GALNTL6: variants seen among roughly 807,000 people sequenced by gnomAD.
GALNTL6 encodes the protein polypeptide N-acetylgalactosaminyltransferase-like 6.
A neutral mutation model predicts 73.7 loss-of-function variants in GALNTL6; 46 were observed. The observed-to-expected ratio is 0.62, with a 90% confidence interval of 0.49 to 0.80. The LOEUF is 0.80. GALNTL6 is among the 30% of genes least tolerant of loss of function. The pLI is 0.00. For synonymous variants in GALNTL6, 259 were observed against 263.7 expected (o/e 0.98, Z 0.17); for missense variants, 604 against 755.0 (o/e 0.80, Z 2.34).
intron 4 of GALNTL6, among the ~76,000 whole-genome samples, chr4:172,338,733 C>T (rs575419373): frequency 6.6e-6 from 1 of 152,154 alleles, no homozygotes; most frequent in Non-Finnish European, 1.5e-5. Context: ...GCTCCTTGCT[C>T]AGCTGTAGGG....
chr4:172,757,487 C>T (rs1480451613), intron 5 of GALNTL6, among the ~76,000 whole-genome samples: 1 of 152,110 alleles, frequency 6.6e-6, no homozygotes, highest in Non-Finnish European at 1.5e-5. Flanking sequence ...GAAACTGAGG[C>T]TTAGAGGGAT....
intron 2 of GALNTL6, among the ~76,000 whole-genome samples, chr4:171,937,922 G>A (rs1332715992): frequency 6.6e-6 from 1 of 152,100 alleles, no homozygotes; most frequent in East Asian, 1.9e-4. Flanking sequence ...CCGTGAATCT[G>A]TAAATTAGAT....
intron 5 of GALNTL6, among the ~76,000 whole-genome samples, chr4:172,738,801 G>C (rs1386844925): frequency 6.6e-6 from 1 of 152,144 alleles, no homozygotes; most frequent in Non-Finnish European, 1.5e-5. Flanking sequence ...ATATACTTTG[G>C]TTTGGTCCAG....
intron 5 of GALNTL6, among the ~76,000 whole-genome samples, chr4:172,413,598 G>C (rs1280698811): frequency 6.6e-6 from 1 of 150,920 alleles, no homozygotes; most frequent in Non-Finnish European, 1.5e-5. Flanking sequence ...GACCAAAATT[G>C]TATGTGCTAG....
intron 3 of GALNTL6, among the ~76,000 whole-genome samples, chr4:172,288,362 A>AT (rs1349246895): frequency 6.6e-6 from 1 of 152,172 alleles, no homozygotes; most frequent in Non-Finnish European, 1.5e-5. Context: ...AAGTGCTGGG[A>AT]TTACAGGCAT....
At chr4:172,160,147 TGTGTGTATAAATATAAGTGTGTGTGC>T (rs2110788341) in intron 2 of GALNTL6, among the ~76,000 whole-genome samples, 1 of 152,098 alleles carries the variant, frequency 6.6e-6, no homozygotes, top group South Asian at 2.1e-4. Flanking sequence ...CAGTTGTGTG[TGTGTGTATAAATATAAGTGTGTGTGC>T]GTGTGCGTGT....
At chr4:172,014,203 A>G (rs1248204076) in intron 2 of GALNTL6, among the ~76,000 whole-genome samples, 1 of 151,944 alleles carries the variant, frequency 6.6e-6, no homozygotes, top group Non-Finnish European at 1.5e-5. Flanking sequence ...TATCTCTTCA[A>G]TATACTGATT....
At chr4:172,211,992 C>G (rs577545758) in intron 2 of GALNTL6, among the ~76,000 whole-genome samples, 1 of 152,248 alleles carries the variant, frequency 6.6e-6, no homozygotes, top group East Asian at 1.9e-4. Flanking sequence ...TAGCAAGGTG[C>G]TTATTTCAAG....
intron 5 of GALNTL6, among the ~76,000 whole-genome samples, chr4:172,752,217 T>C (rs1334950178): frequency 1.3e-5 from 2 of 152,050 alleles, no homozygotes; most frequent in Non-Finnish European, 2.9e-5. Context: ...TGTCCTGTTG[T>C]GAGAACAACT....
chr4:172,009,742 T>C (rs901597567), intron 2 of GALNTL6, among the ~76,000 whole-genome samples: 6 of 152,134 alleles, frequency 3.9e-5, no homozygotes, highest in Non-Finnish European at 7.4e-5. Flanking sequence ...GGCAGGCACG[T>C]ATGTGGCTTA....
intron 2 of GALNTL6, among the ~76,000 whole-genome samples, chr4:172,177,813 G>A (rs548030220): frequency 1.5e-3 from 187 of 120,960 alleles, no homozygotes; most frequent in African/African-American, 7.1e-3. Context: ...ACACATATAT[G>A]TGTGTGTATA....
At chr4:171,960,677 C>A (rs1739195231) in intron 2 of GALNTL6, among the ~76,000 whole-genome samples, 1 of 119,730 alleles carries the variant, frequency 8.4e-6, no homozygotes. Flanking sequence ...AGAGAAATGA[C>A]TGTCTTTATT....
intron 2 of GALNTL6, among the ~76,000 whole-genome samples, chr4:172,124,501 G>A (rs1236637760): frequency 6.6e-6 from 1 of 151,698 alleles, no homozygotes; most frequent in African/African-American, 2.4e-5. Flanking sequence ...CTTTAACCAG[G>A]GTGATAATCA....
At chr4:172,053,538 A>G (rs191677944) in intron 2 of GALNTL6, among the ~76,000 whole-genome samples, 52 of 152,320 alleles carry the variant, frequency 3.4e-4, no homozygotes, top group African/African-American at 1.3e-3. Context: ...TGAAAAAGAC[A>G]GGAACATGTG....
chr4:172,504,175 A>AAAAAAAAAC (rs1363544210), intron 5 of GALNTL6, among the ~76,000 whole-genome samples: 1,553 of 39,264 alleles, frequency 0.04, 611 homozygotes, highest in African/African-American at 0.12. Context: ...AAAAAAAAAA[A>AAAAAAAAAC]AAAACTCACA....
chr4:172,877,689 C>A, intron 7 of GALNTL6, among the ~76,000 whole-genome samples: 1 of 150,880 alleles, frequency 6.6e-6, no homozygotes. Context: ...AATTGATTTC[C>A]ATTAAATATT....
chr4:172,097,751 G>T (rs937611563), intron 2 of GALNTL6, among the ~76,000 whole-genome samples: 2 of 152,132 alleles, frequency 1.3e-5, no homozygotes, highest in African/African-American at 2.4e-5. Context: ...ATCCATATTT[G>T]ATTAAGCTAC....
intron 10 of GALNTL6, among the ~76,000 whole-genome samples, chr4:172,966,705 C>T (rs1750345187): frequency 6.6e-6 from 1 of 152,204 alleles, no homozygotes; most frequent in Admixed American, 6.5e-5. Flanking sequence ...GGAGTCAATT[C>T]TAAGACTAAT....
At position 172,609,467 on chromosome 4, in the gene GALNTL6, C is replaced by T. The variant is rs78136745; in HGVS notation, c.554-199894C>T. On this transcript the variant is annotated intron_variant, in intron 5 of 12. Transcript: ENST00000506823. ...ATTTATTGATTTGCATATGTAGAAC[C>T]GAACTTGCATCCCAGGGATAAAACC... Among the ~76,000 whole-genome samples, 1,339 of 152,102 alleles carry T rather than the reference C, an allele frequency of 8.8e-3. 16 individuals are homozygous for T. The highest frequency in any genetic ancestry group is 0.027 in the African/African-American group (1,106 of 41,514).
Sources: gnomAD v4.1 joint callset for allele counts (sites outside exome capture counted in the v4.1 genomes callset) on GRCh38, gnomAD v4.1.1 for gene constraint, MANE v1.5 for transcripts, NCBI Gene and HGNC (gene_info 2026-07-23, HGNC 2026-07-21) for gene names.